CPXM2: variants seen among roughly 807,000 people sequenced by gnomAD.
CPXM2 encodes the protein inactive carboxypeptidase-like protein X2.
Under a neutral mutation model 86.1 loss-of-function variants are expected in CPXM2, and 66 were observed. The observed-to-expected ratio is 0.77, with a 90% confidence interval of 0.63 to 0.94. The LOEUF is 0.94. CPXM2 is among the 40% of genes least tolerant of loss of function. The pLI, the probability that CPXM2 is intolerant of heterozygous loss-of-function variation, is 0.00. For missense variants in CPXM2, 948 were observed against 1,026.3 expected (o/e 0.92, Z 1.04); for synonymous variants, 388 against 400.2 (o/e 0.97, Z 0.36).
intron 2 of CPXM2, among the ~76,000 whole-genome samples, chr10:123,918,530 C>G (rs566743206): frequency 6.6e-6 from 1 of 152,190 alleles, no homozygotes; most frequent in Non-Finnish European, 1.5e-5. Context: ...GACACTAGAA[C>G]AGCTAAATCC....
In CPXM2 at chr10:123,755,640, A is replaced by G. The variant is rs1251788346; in HGVS notation, c.1918-878T>C. 2.0e-5 allele frequency among the ~76,000 whole-genome samples: 3 copies of G among 152,254 alleles called. No individual in the cohort carries two copies. In the East Asian group the frequency reaches 5.8e-4, roughly 29 times the overall value. On this transcript the variant is annotated intron_variant, in intron 12 of 13. Coordinates refer to ENST00000241305, the MANE Select transcript of CPXM2 (RefSeq NM_198148.3). ...GTCAGAGGGAAAAGAAACAATTCAA[A>G]GAAACCTTCCTATAGATGACAACTC...
rs556624984 is a variant in CPXM2 at position 123,794,085 on chromosome 10, T to C, written c.889+3891A>G. 7.9e-5 allele frequency among the ~76,000 whole-genome samples: 12 copies of C among 152,374 alleles called. 1 individual carries two copies. The highest frequency in any genetic ancestry group is 5.2e-4 in the Admixed American group (8 of 15,310). On this transcript the variant is annotated intron_variant, in intron 6 of 13. Coordinates refer to ENST00000241305, the MANE Select transcript of CPXM2 (RefSeq NM_198148.3). ...AGGAGGAAGGATACAGTGTGTCACC[T>C]GCTCTTGGCCGACTTGGAGGACTGA...
intron 13 of CPXM2, chr10:123,750,186 C>T (rs1846044576): frequency 1.0e-6 from 1 of 985,154 alleles, no homozygotes; most frequent in Non-Finnish European, 1.2e-6. Flanking sequence ...GTCCTTGTGG[C>T]CCTGTCAGAT....
chr10:123,856,071 T>C lies in CPXM2; in HGVS notation c.513+6543A>G, dbSNP rs139678454. Among the ~76,000 whole-genome samples, 36 of 152,342 alleles carry C rather than the reference T, an allele frequency of 2.4e-4. No individual in the cohort carries two copies. The East Asian group carries it at 6.6e-3, about 28-fold the overall frequency. ...CTGTGCAGGGAGTGTGCTACGTTTTTCCTTGTGACCTCAAAACATCAGCTG... is the reference window on the plus strand; with the variant it reads ...CTGTGCAGGGAGTGTGCTACGTTTTCCCTTGTGACCTCAAAACATCAGCTG... On this transcript the variant is annotated intron_variant, in intron 3 of 13. Coordinates refer to ENST00000241305, the MANE Select transcript of CPXM2 (RefSeq NM_198148.3).
In CPXM2 at chr10:123,767,141, C is replaced by T. The variant is rs993826033; in HGVS notation, c.1311G>A (p.Leu437=). 6 of 1,614,042 alleles carry T rather than the reference C, an allele frequency of 3.7e-6. No homozygotes were observed. The highest frequency in any genetic ancestry group is 5.1e-6 in the Non-Finnish European group (6 of 1,179,976). The change falls in exon 10 of 14, where the codon CTG becomes CTA. Residue 437 remains leucine (L), a synonymous_variant. Coordinates refer to ENST00000241305, the MANE Select transcript of CPXM2 (RefSeq NM_198148.3). ...TCCAGCGTCCCAGGGACCAGCCTCCCAGCTCCGAGCCCTGGAGACAAGTGA... is the reference window on the plus strand; with the variant it reads ...TCCAGCGTCCCAGGGACCAGCCTCCTAGCTCCGAGCCCTGGAGACAAGTGA... ...YEKAYEGGSE[L]GGWSLGRWTH...
At chr10:123,755,439 T>C (rs1277975259) in intron 12 of CPXM2, among the ~76,000 whole-genome samples, 1 of 152,218 alleles carries the variant, frequency 6.6e-6, no homozygotes, top group Non-Finnish European at 1.5e-5. Flanking sequence ...GGATTTGGAA[T>C]GTAAACTTCT....
intron 7 of CPXM2, among the ~76,000 whole-genome samples, chr10:123,775,993 T>C (rs1172178953): frequency 2.0e-5 from 3 of 152,196 alleles, no homozygotes; most frequent in Non-Finnish European, 4.4e-5. Flanking sequence ...GGAGTTTGCG[T>C]CTTTGTGGTA....
chr10:123,924,531 G>A (rs1307489628), intron 2 of CPXM2, among the ~76,000 whole-genome samples: 2 of 152,226 alleles, frequency 1.3e-5, no homozygotes, highest in African/African-American at 4.8e-5. Flanking sequence ...GTCCTAAGTG[G>A]AGGAGTTTCT....
At chr10:123,895,414 A>G (rs540951744), upstream of CPXM2, among the ~76,000 whole-genome samples, 39 of 152,258 alleles carry the variant, frequency 2.6e-4, 1 homozygote, top group South Asian at 2.5e-3. Context: ...GTGAGCCACC[A>G]TGCCCGGCCA....
intron 6 of CPXM2, among the ~76,000 whole-genome samples, chr10:123,786,814 C>A (rs189296868): frequency 4.5e-4 from 68 of 152,296 alleles, no homozygotes; most frequent in South Asian, 3.3e-3. Context: ...CCTGAGACGT[C>A]GCCTCCTCTA....
At chr10:123,930,649 G>A (rs1031466240) in intron 2 of CPXM2, among the ~76,000 whole-genome samples, 24 of 152,200 alleles carry the variant, frequency 1.6e-4, no homozygotes, top group African/African-American at 5.5e-4. Context: ...TCCAGTAAGT[G>A]AATCAGGATT....
intron 1 of CPXM2, among the ~76,000 whole-genome samples, chr10:123,889,767 T>C (rs780322909): frequency 1.3e-5 from 2 of 152,160 alleles, no homozygotes; most frequent in East Asian, 3.9e-4. Context: ...GCCCTAAACA[T>C]GGGTGTTAGG....
intron 6 of CPXM2, among the ~76,000 whole-genome samples, chr10:123,787,735 A>G (rs1419652505): frequency 6.6e-6 from 1 of 151,826 alleles, no homozygotes; most frequent in East Asian, 1.9e-4. Context: ...TGGGGAAAAG[A>G]GGTTCCTTTT....
At chr10:123,880,689 C>A (rs948033190) in intron 1 of CPXM2, among the ~76,000 whole-genome samples, 2 of 151,868 alleles carry the variant, frequency 1.3e-5, no homozygotes, top group African/African-American at 4.8e-5. Context: ...ATTAGCCAGG[C>A]ATGGTGGCGG....
chr10:123,785,450 C>G (rs1391681198), intron 6 of CPXM2, among the ~76,000 whole-genome samples: 1 of 152,074 alleles, frequency 6.6e-6, no homozygotes, highest in Non-Finnish European at 1.5e-5. Flanking sequence ...ACAAAGCAAC[C>G]AACTTGTCCC....
intron 2 of CPXM2, among the ~76,000 whole-genome samples, chr10:123,904,441 A>G (rs1367568749): frequency 6.6e-6 from 1 of 152,346 alleles, no homozygotes; most frequent in South Asian, 2.1e-4. Context: ...GAAAGTGGGT[A>G]TAACAATCGT....
rs145844756 is a variant in CPXM2 at position 123,762,975 on chromosome 10, T to C, written c.1480-806A>G. On this transcript the variant is annotated intron_variant, in intron 10 of 13. Transcript: ENST00000241305. ...GTTTAAACACATCAGGGGCCCTGGA[T>C]TGGACCAATGAGAGAGCTTAATTCA... is the stretch of plus-strand genomic sequence containing the variant. Among the ~76,000 whole-genome samples, 511 of 152,318 alleles carry C rather than the reference T, an allele frequency of 3.4e-3. 7 individuals carry two copies. Among genetic ancestry groups the C allele is most frequent in the East Asian group, 1.4e-3 (7 of 5,184 alleles).
At chr10:123,767,379 A>G (rs1846503586) in intron 9 of CPXM2, among the ~76,000 whole-genome samples, 1 of 152,216 alleles carries the variant, frequency 6.6e-6, no homozygotes, top group African/African-American at 2.4e-5. Flanking sequence ...GAATGCAGAG[A>G]ACCACCCCTG....
chr10:123,844,961 A>C (rs1169421743), intron 3 of CPXM2, among the ~76,000 whole-genome samples: 2 of 151,624 alleles, frequency 1.3e-5, no homozygotes, highest in Non-Finnish European at 2.9e-5. Context: ...CTAGCTACTC[A>C]GGAGGCTGAG....
Sources: allele counts gnomAD v4.1 joint callset (sites outside exome capture counted in the v4.1 genomes callset), GRCh38; gene constraint gnomAD v4.1.1; transcripts MANE v1.5; gene names NCBI Gene and HGNC (gene_info 2026-07-23, HGNC 2026-07-21).